ADCY2: variants seen among roughly 807,000 people sequenced by gnomAD.
ADCY2 encodes adenylate cyclase 2, also known as adenylate cyclase type 2.
In ADCY2, 31 loss-of-function variants were observed where a neutral mutation model predicts 125.2. That is an observed-to-expected ratio of 0.25 (90% confidence interval 0.19 to 0.33). The LOEUF is 0.33. Among genes scored for constraint, ADCY2 ranks in the 10% least tolerant of loss-of-function variants. The pLI, the probability that ADCY2 is intolerant of heterozygous loss-of-function variation, is 1.00. For synonymous variants in ADCY2, 512 were observed against 548.4 expected, an observed-to-expected ratio of 0.93 and a Z score of 0.93; for missense variants, 904 against 1,418.2, an observed-to-expected ratio of 0.64 and a Z score of 5.82.
intron 20 of ADCY2, chr5:7,798,802 C>T (rs1744506015): frequency 6.6e-6 from 1 of 152,054 alleles, no homozygotes; most frequent in South Asian, 2.1e-4. Context: ...CTCCTGACCT[C>T]CTGATCTGCC....
chr5:7,568,653 C>T (rs1258492998), intron 3 of ADCY2, among the ~76,000 whole-genome samples: 1 of 152,158 alleles, frequency 6.6e-6, no homozygotes, highest in Non-Finnish European at 1.5e-5. Context: ...GCTACCAGAA[C>T]TGGAATTTTC....
chr5:7,648,397 C>T (rs763754719), intron 4 of ADCY2, among the ~76,000 whole-genome samples: 20 of 152,226 alleles, frequency 1.3e-4, no homozygotes, highest in East Asian at 5.8e-4. Flanking sequence ...TTTGCATTTA[C>T]GGGGAAGAAT....
intron 17 of ADCY2, among the ~76,000 whole-genome samples, chr5:7,769,789 T>C (rs1004022740): frequency 3.9e-5 from 6 of 152,214 alleles, no homozygotes; most frequent in Non-Finnish European, 7.3e-5. Context: ...CCAGAGACTT[T>C]AGTGTTGATA....
intron 2 of ADCY2, among the ~76,000 whole-genome samples, chr5:7,488,920 A>T (rs1479420784): frequency 6.6e-6 from 1 of 152,198 alleles, no homozygotes; most frequent in Non-Finnish European, 1.5e-5. Flanking sequence ...CGAGGGACCC[A>T]TGAATGAGCC....
intron 4 of ADCY2, among the ~76,000 whole-genome samples, chr5:7,665,200 G>T (rs1739671011): frequency 6.6e-6 from 1 of 152,152 alleles, no homozygotes; most frequent in South Asian, 2.1e-4. Flanking sequence ...ATATTTTACA[G>T]AGTTTGACTC....
At chr5:7,550,931 C>G (rs959083018) in intron 3 of ADCY2, among the ~76,000 whole-genome samples, 1 of 152,110 alleles carries the variant, frequency 6.6e-6, no homozygotes. Context: ...TTCTATTCAT[C>G]ATTTTAAAAT....
chr5:7,439,266 T>G (rs1277296501), intron 2 of ADCY2, among the ~76,000 whole-genome samples: 1 of 152,210 alleles, frequency 6.6e-6, no homozygotes, highest in African/African-American at 2.4e-5. Flanking sequence ...TTTACCTGGC[T>G]GGGCAGGCCT....
At position 7,744,082 on chromosome 5, in the gene ADCY2, A is replaced by T. The variant is rs114909338; in HGVS notation, c.1956+330A>T. Among the ~76,000 whole-genome samples, 1,044 of 152,334 alleles carry T rather than the reference A, an allele frequency of 6.9e-3. 5 individuals are homozygous for T. The highest frequency in any genetic ancestry group is 0.011 in the Non-Finnish European group (731 of 68,036). ...TAGCAGCAAATGCAAGTATAATATGAGGCTTTCAGTGTACAGGAGGATTAA... is the reference window on the plus strand; with the variant it reads ...TAGCAGCAAATGCAAGTATAATATGTGGCTTTCAGTGTACAGGAGGATTAA... On this transcript the variant is annotated intron_variant, in intron 15 of 24. Coordinates refer to ENST00000338316, the MANE Select transcript of ADCY2 (RefSeq NM_020546.3).
intron 4 of ADCY2, among the ~76,000 whole-genome samples, chr5:7,626,815 C>T (rs534487767): frequency 1.3e-5 from 2 of 152,206 alleles, no homozygotes; most frequent in African/African-American, 2.4e-5. Flanking sequence ...TCCCACCAGG[C>T]CTCACCTCCA....
chr5:7,467,170 A>C (rs1229430229), intron 2 of ADCY2, among the ~76,000 whole-genome samples: 1 of 152,194 alleles, frequency 6.6e-6, no homozygotes, highest in African/African-American at 2.4e-5. Flanking sequence ...CTGCTAACCC[A>C]GATAGTGGCT....
intron 3 of ADCY2, among the ~76,000 whole-genome samples, chr5:7,594,263 G>T (rs1561115521): frequency 6.6e-6 from 1 of 152,070 alleles, no homozygotes; most frequent in South Asian, 2.1e-4. Flanking sequence ...ATTAGTGATG[G>T]AAGTGGTAGG....
chr5:7,631,989 A>G (rs1035138150), intron 4 of ADCY2, among the ~76,000 whole-genome samples: 2 of 152,190 alleles, frequency 1.3e-5, no homozygotes, highest in Non-Finnish European at 2.9e-5. Context: ...CTGAGTTGTT[A>G]CATGGACTTG....
chr5:7,658,533 C>T (rs574476230), intron 4 of ADCY2, among the ~76,000 whole-genome samples: 1 of 151,734 alleles, frequency 6.6e-6, no homozygotes, highest in South Asian at 2.1e-4. Flanking sequence ...GATTCTCCTG[C>T]CTCAGCCTCC....
In ADCY2 at chr5:7,746,652, T is replaced by C. The variant is rs188295293; in HGVS notation, c.1956+2900T>C. On this transcript the variant is annotated intron_variant, in intron 15 of 24. Transcript: ENST00000338316. The stretch of plus-strand genomic sequence containing the variant: ...ATAATGATTTGCATTTATTATGAAT[T>C]AAATACTGAGTTTATTAAAGAGTAC... 1.4e-4 allele frequency among the ~76,000 whole-genome samples: 21 copies of C among 152,344 alleles called. 1 individual carries two copies. Among genetic ancestry groups the C allele is most frequent in the African/African-American group, 4.6e-4 (19 of 41,574 alleles).
At chr5:7,644,009 G>A (rs1269801249) in intron 4 of ADCY2, among the ~76,000 whole-genome samples, 3 of 151,792 alleles carry the variant, frequency 2.0e-5, no homozygotes, top group Non-Finnish European at 2.9e-5. Flanking sequence ...ATGCATGTCT[G>A]TGTTATCCCT....
intron 14 of ADCY2, among the ~76,000 whole-genome samples, chr5:7,733,160 A>G (rs1263702392): frequency 6.6e-6 from 1 of 152,234 alleles, no homozygotes; most frequent in Non-Finnish European, 1.5e-5. Context: ...CATGTGTTTC[A>G]TTAGCCCAAG....
At chr5:7,500,512 A>G (rs1743522899) in intron 2 of ADCY2, among the ~76,000 whole-genome samples, 1 of 152,200 alleles carries the variant, frequency 6.6e-6, no homozygotes, top group African/African-American at 2.4e-5. Flanking sequence ...TCCCCGTGCT[A>G]TGATGTGATG....
intron 3 of ADCY2, among the ~76,000 whole-genome samples, chr5:7,593,455 C>T (rs1451259249): frequency 1.3e-5 from 2 of 152,182 alleles, no homozygotes; most frequent in East Asian, 3.9e-4. Flanking sequence ...GGATCTTCCT[C>T]TGCCAACCCC....
At chr5:7,654,174 G>A (rs1187981746) in intron 4 of ADCY2, 4 of 454,930 alleles carry the variant, frequency 8.8e-6, no homozygotes, top group South Asian at 3.1e-5. Flanking sequence ...AAGAGATGGC[G>A]CATCCAGCGA....
Sources: gnomAD v4.1 joint callset for allele counts (sites outside exome capture counted in the v4.1 genomes callset) on GRCh38, gnomAD v4.1.1 for gene constraint, MANE v1.5 for transcripts, NCBI Gene and HGNC (gene_info 2026-07-23, HGNC 2026-07-21) for gene names.